Variants in PCYOX1 observed in about 807,000 individuals in gnomAD.
PCYOX1 encodes the protein prenylcysteine oxidase 1, also known as prenylcysteine lyase.
In PCYOX1, 46 loss-of-function variants were observed where a neutral mutation model predicts 46.4. The ratio of observed to expected loss-of-function variants is 0.99; its 90% confidence interval spans 0.78 to 1.27. The LOEUF (loss-of-function observed/expected upper bound fraction) is 1.27, where lower values mean the gene tolerates loss of function less well. PCYOX1 is among the 50% of genes most tolerant of loss of function. The probability of loss-of-function intolerance (pLI) is 0.00; values close to 1 mark genes in which losing one functional copy is unlikely to be tolerated. For synonymous variants in PCYOX1, 220 were observed against 231.8 expected (o/e 0.95, Z 0.46); for missense variants, 658 against 628.3 (o/e 1.05, Z -0.51).
Position 70,277,650 on chromosome 2 carries a change from TAAG to T in PCYOX1, c.*261_*263del, listed in dbSNP as rs1414940123. 2 of 348,712 alleles carry T rather than the reference TAAG, an allele frequency of 5.7e-6. No individual in the cohort carries two copies. Among genetic ancestry groups the T allele is most frequent in the African/African-American group, 4.2e-5 (2 of 47,574 alleles). The allele number at this position is 348,712 out of a possible 1,614,324, so 21.6% of individuals were successfully genotyped here. On this transcript the variant is annotated 3_prime_UTR_variant, in exon 6 of 6. Transcript: ENST00000433351. ...AGTTTTTCTTAAACTTGTCTGATAATAAGAATCACCTGGAGTTAGGAGGTGGTG... is the reference window on the plus strand; with the variant it reads ...AGTTTTTCTTAAACTTGTCTGATAATAATCACCTGGAGTTAGGAGGTGGTG...
In PCYOX1 at chr2:70,281,018, A is replaced by G. The variant is rs954724262; in HGVS notation, c.*3626A>G. 10 of 152,174 alleles carry G rather than the reference A, an allele frequency of 6.6e-5. No homozygotes were observed. Among genetic ancestry groups the G allele is most frequent in the African/African-American group, 2.2e-4 (9 of 41,448 alleles). The allele number at this position is 152,174 out of a possible 1,614,324, so 9.4% of individuals were successfully genotyped here. A position where few individuals can be genotyped will look rare whatever the true frequency, so the allele number is the denominator to read the frequency against. On this transcript the variant is annotated 3_prime_UTR_variant, in exon 6 of 6. Transcript: ENST00000433351. ...TTTGAGCTTGTGGGCCATACAATTC[A>G]TTAACTAGATGAATACATTGTGGAC...
At position 70,261,285 on chromosome 2, in the gene PCYOX1, C is replaced by G; in HGVS notation, c.393C>G (p.Ser131Arg). The G allele has an allele frequency of 6.2e-7, 1 of 1,608,784 alleles. No homozygotes were observed. The highest frequency in any genetic ancestry group is 1.1e-5 in the South Asian group (1 of 90,972). The change falls in exon 3 of 6, where the codon AGC (serine) becomes AGG (arginine). Residue 131 changes from serine to arginine, a missense_variant. Coordinates refer to ENST00000433351, the MANE Select transcript of PCYOX1 (RefSeq NM_016297.4). ...GAGAGACTCTGGTATTTGAGGAGAGCAACTGGTTCATAATTAACGTGATTA... is the reference window on the plus strand; with the variant it reads ...GAGAGACTCTGGTATTTGAGGAGAGGAACTGGTTCATAATTAACGTGATTA... Reference protein sequence around the residue: ...YNGETLVFEESNWFIINVIKL... With the variant: ...YNGETLVFEERNWFIINVIKL...
chr2:70,269,108 A>G (rs1322090107), intron 3 of PCYOX1, among the ~76,000 whole-genome samples: 1 of 151,942 alleles, frequency 6.6e-6, no homozygotes, highest in Non-Finnish European at 1.5e-5. Context: ...CAGTTCTGTC[A>G]AGATCATTTG....
chr2:70,280,530 A>G lies in PCYOX1; in HGVS notation c.*3138A>G, dbSNP rs950879185. Reference sequence around the variant, plus strand: ...ATTCAATAAGTTTGTTATGGGATATAAGAAGATGCATTTTATTAAGTTCCC... The same window carrying G: ...ATTCAATAAGTTTGTTATGGGATATGAGAAGATGCATTTTATTAAGTTCCC... On this transcript the variant is annotated 3_prime_UTR_variant, in exon 6 of 6. Coordinates refer to ENST00000433351, the MANE Select transcript of PCYOX1 (RefSeq NM_016297.4). 2.5e-4 allele frequency: 38 copies of G among 152,316 alleles called. No individual in the cohort carries two copies. Among genetic ancestry groups the G allele is most frequent in the African/African-American group, 8.4e-4 (35 of 41,568 alleles). The allele number at this position is 152,316 out of a possible 1,614,324, so 9.4% of individuals were successfully genotyped here.
intron 3 of PCYOX1, 112 bp downstream of exon 3, chr2:70,261,498 G>T (rs1283864248): frequency 7.0e-6 from 5 of 714,738 alleles, no homozygotes; most frequent in African/African-American, 1.8e-5. Context: ...TCACAGCAAG[G>T]CCTGTTTATA....
chr2:70,264,407 A>C (rs1573978484), intron 3 of PCYOX1, among the ~76,000 whole-genome samples: 1 of 150,696 alleles, frequency 6.6e-6, no homozygotes, highest in African/African-American at 2.4e-5. Context: ...GCTCACTGCA[A>C]CCTCTGCCTC....
At chr2:70,267,404 T>G (rs556018858) in intron 3 of PCYOX1, among the ~76,000 whole-genome samples, 2 of 152,204 alleles carry the variant, frequency 1.3e-5, no homozygotes, top group Admixed American at 6.5e-5. Context: ...GGGCAGAGGC[T>G]GCAATCTCAG....
chr2:70,273,062 T>G (rs1440459689), intron 3 of PCYOX1, among the ~76,000 whole-genome samples: 1 of 152,214 alleles, frequency 6.6e-6, no homozygotes, highest in African/African-American at 2.4e-5. Flanking sequence ...GTTTATATTG[T>G]GTATATAGTT....
At chr2:70,259,000 G>A (rs1408452648) in intron 1 of PCYOX1, among the ~76,000 whole-genome samples, 1 of 152,010 alleles carries the variant, frequency 6.6e-6, no homozygotes, top group Non-Finnish European at 1.5e-5. Flanking sequence ...ATAAATGGCC[G>A]TCACTTTATT....
At chr2:70,272,864 A>C (rs898015480) in intron 3 of PCYOX1, among the ~76,000 whole-genome samples, 1 of 151,698 alleles carries the variant, frequency 6.6e-6, no homozygotes, top group Admixed American at 6.6e-5. Context: ...CACCTGGATA[A>C]TTTTTGTATT....
Position 70,276,900 on chromosome 2 carries a change from T to C in PCYOX1, c.1026T>C (p.His342=), listed in dbSNP as rs746929394. Residue 342 remains histidine, a synonymous_variant, in exon 6 of 6, where the codon CAT becomes CAC. Coordinates refer to ENST00000433351, the MANE Select transcript of PCYOX1 (RefSeq NM_016297.4). The stretch of plus-strand genomic sequence containing the variant: ...AGGAATTCCATCAATATTATCAACA[T>C]ATAGTGACAACTTTAGTTAAGGGGG... The part of the protein sequence containing the change: ...PIEEFHQYYQ[H]IVTTLVKGEL... 1.2e-6 allele frequency: 2 copies of C among 1,612,864 alleles called. No individual in the cohort carries two copies. Among genetic ancestry groups the C allele is most frequent in the African/African-American group, 2.7e-5 (2 of 74,924 alleles).
chr2:70,270,571 T>G (rs1696587853), intron 3 of PCYOX1, among the ~76,000 whole-genome samples: 1 of 152,212 alleles, frequency 6.6e-6, no homozygotes, highest in Non-Finnish European at 1.5e-5. Flanking sequence ...TCATGTGACC[T>G]TTGCATTGCT....
Position 70,277,189 on chromosome 2 carries a change from T to C in PCYOX1, c.1315T>C (p.Tyr439His). Residue 439 changes from tyrosine (Y) to histidine (H), a missense_variant, in exon 6 of 6, where the codon TAT becomes CAT. Tyr to His is a moderately conservative substitution (Grantham distance 83). Coordinates refer to ENST00000433351, the MANE Select transcript of PCYOX1 (RefSeq NM_016297.4). ...VKKPWLAYPH[Y>H]KPPEKCPSII... ...GAAGCCATGGCTTGCATATCCTCAC[T>C]ATAAGCCCCCGGAGAAATGCCCCTC... 1 of 1,614,136 alleles carries C rather than the reference T, an allele frequency of 6.2e-7. No individual in the cohort carries two copies. The highest frequency in any genetic ancestry group is 1.1e-5 in the South Asian group (1 of 91,088).
chr2:70,259,173 G>T (rs1696393051), intron 1 of PCYOX1, among the ~76,000 whole-genome samples, 187 bp from the exon 2 acceptor site: 1 of 152,138 alleles, frequency 6.6e-6, no homozygotes, highest in South Asian at 2.1e-4. Flanking sequence ...TACTGCTTTT[G>T]TCTGGGAACA....
At chr2:70,272,547 C>T (rs1696616737) in intron 3 of PCYOX1, among the ~76,000 whole-genome samples, 2 of 152,152 alleles carry the variant, frequency 1.3e-5, no homozygotes, top group Admixed American at 6.6e-5. Context: ...TATTGGCTGG[C>T]TGTTCACAGG....
chr2:70,258,254 G>A lies in PCYOX1; in HGVS notation c.90G>A (p.Leu30=), dbSNP rs1333463439. 2.5e-6 allele frequency: 4 copies of A among 1,591,392 alleles called. No homozygotes were observed. The South Asian group carries it at 3.3e-5, about 13-fold the overall frequency. Residue 30 remains leucine, a synonymous_variant, in exon 1 of 6, where the codon CTG becomes CTA. Coordinates refer to ENST00000433351, the MANE Select transcript of PCYOX1 (RefSeq NM_016297.4). ...CSCGCPEGAE[L]RAPPDKIAII... ...GCGGATGCCCCGAGGGCGCCGAGCTGCGTGCTCCGCCAGATAAAATCGGTA... is the reference window on the plus strand; with the variant it reads ...GCGGATGCCCCGAGGGCGCCGAGCTACGTGCTCCGCCAGATAAAATCGGTA...
In PCYOX1 at chr2:70,259,558, A is replaced by G; in HGVS notation, c.311A>G (p.Lys104Arg). 6.2e-7 allele frequency: 1 copy of G among 1,612,768 alleles called. No individual in the cohort carries two copies. Among genetic ancestry groups the G allele is most frequent in the Non-Finnish European group, 8.5e-7 (1 of 1,178,900 alleles). Residue 104 changes from lysine (K) to arginine (R), a missense_variant, in exon 2 of 6, where the codon AAA becomes AGA. Coordinates refer to ENST00000433351, the MANE Select transcript of PCYOX1 (RefSeq NM_016297.4). ...AATCTGCACATGAAACGTTTTGTCA[A>G]AGACCTGGGTATGTAATTTTGGTCT... The part of the protein sequence containing the change: ...PLNLHMKRFV[K>R]DLGLSAVQAS...
chr2:70,258,006 A>G, upstream of PCYOX1: 1 of 510,398 alleles, frequency 2.0e-6, no homozygotes. Context: ...TGCAGGGTTG[A>G]GAGGACCGGC....
intron 3 of PCYOX1, among the ~76,000 whole-genome samples, chr2:70,272,658 TG>T (rs1393801658): frequency 2.0e-5 from 3 of 152,128 alleles, no homozygotes; most frequent in Admixed American, 2.0e-4. Context: ...CTGCCTCACC[TG>T]GGTGCTGTTT....
Sources: gnomAD v4.1 joint callset for allele counts (sites outside exome capture counted in the v4.1 genomes callset) on GRCh38, gnomAD v4.1.1 for gene constraint, MANE v1.5 for transcripts, NCBI Gene and HGNC (gene_info 2026-07-23, HGNC 2026-07-21) for gene names.